PARL: variants seen among roughly 807,000 people sequenced by gnomAD.
PARL encodes presenilin-associated rhomboid-like protein, mitochondrial.
In PARL, 44 loss-of-function variants were observed where a neutral mutation model predicts 51.6. The observed-to-expected ratio is 0.85, with a 90% CI of 0.67 to 1.10. The LOEUF (loss-of-function observed/expected upper bound fraction) is 1.10. Ranked by LOEUF, PARL falls within the 50% of genes least tolerant of loss-of-function variation. PARL has a pLI of 0.00. For missense variants in PARL, 441 were observed against 469.5 expected, an observed-to-expected ratio of 0.94 and a Z score of 0.56; for synonymous variants, 172 against 164.0, an observed-to-expected ratio of 1.05 and a Z score of -0.37.
intron 4 of PARL, among the ~76,000 whole-genome samples, chr3:183,852,718 A>C (rs1730691574): frequency 6.6e-6 from 1 of 152,226 alleles, no homozygotes. Flanking sequence ...TAAAGTGTGC[A>C]CTAAAAAATG....
At chr3:183,869,836 A>G (rs1459498188) in intron 1 of PARL, among the ~76,000 whole-genome samples, 1 of 152,056 alleles carries the variant, frequency 6.6e-6, no homozygotes, top group Non-Finnish European at 1.5e-5. Flanking sequence ...CCAACTCTAT[A>G]CTGAATAATG....
intron 1 of PARL, among the ~76,000 whole-genome samples, chr3:183,872,646 T>C (rs1413205893): frequency 3.3e-5 from 5 of 152,198 alleles, no homozygotes; most frequent in African/African-American, 1.2e-4. Context: ...TTGCCTGCTT[T>C]TTCTGTAATA....
intron 7 of PARL, among the ~76,000 whole-genome samples, chr3:183,837,670 C>T (rs1041367702): frequency 1.3e-5 from 2 of 152,176 alleles, no homozygotes; most frequent in Admixed American, 6.5e-5. Flanking sequence ...CACGGCACCC[C>T]CTCTCCTCAT....
chr3:183,872,809 A>G (rs2108693575), intron 1 of PARL, among the ~76,000 whole-genome samples: 1 of 152,168 alleles, frequency 6.6e-6, no homozygotes, highest in African/African-American at 2.4e-5. Context: ...TGTCAAGCAC[A>G]CCCCCTTCTT....
intron 4 of PARL, among the ~76,000 whole-genome samples, chr3:183,861,631 C>G (rs1013007914): frequency 6.6e-6 from 1 of 152,070 alleles, no homozygotes; most frequent in Non-Finnish European, 1.5e-5. Flanking sequence ...CACTTAAGTA[C>G]AGAAAATTAA....
In PARL at chr3:183,862,119, T is replaced by C. The variant is rs982067000; in HGVS notation, c.511+634A>G. Among the ~76,000 whole-genome samples the C allele has an allele frequency of 7.2e-5, 11 of 152,244 alleles. No individual in the cohort carries two copies. The East Asian group carries it at 9.6e-4, about 13-fold the overall frequency. ...CTCAAATAACTGACTCCATGAAATA[T>C]TGCAGAGGTGTTAACTTGAAGAGCC... is the stretch of plus-strand genomic sequence containing the variant. On this transcript the variant is annotated intron_variant, in intron 4 of 9. Coordinates refer to ENST00000317096, the MANE Select transcript of PARL (RefSeq NM_018622.7).
At chr3:183,836,377 C>T (rs1006985632) in intron 7 of PARL, among the ~76,000 whole-genome samples, 1 of 151,992 alleles carries the variant, frequency 6.6e-6, no homozygotes, top group African/African-American at 2.4e-5. Context: ...GTAATTATTA[C>T]ATACACAGTT....
At chr3:183,833,016 T>C (rs114192437) in intron 9 of PARL, among the ~76,000 whole-genome samples, 1,526 of 152,270 alleles carry the variant, frequency 0.01, 24 homozygotes, top group African/African-American at 0.035. Flanking sequence ...CAGTAAGTGG[T>C]CCACATTGGT....
chr3:183,832,236 T>G (rs1195786415), intron 9 of PARL, among the ~76,000 whole-genome samples: 1 of 151,878 alleles, frequency 6.6e-6, no homozygotes, highest in Non-Finnish European at 1.5e-5. Flanking sequence ...TTTTTTTTTT[T>G]GAGACAGAGT....
chr3:183,861,248 T>C (rs1323304651), intron 4 of PARL: 5 of 979,546 alleles, frequency 5.1e-6, no homozygotes, highest in African/African-American at 1.7e-5. Context: ...GTCTTAGTTA[T>C]GGCAACACTG....
At chr3:183,847,825 T>C (rs899248208) in intron 4 of PARL, among the ~76,000 whole-genome samples, 1 of 152,220 alleles carries the variant, frequency 6.6e-6, no homozygotes, top group African/African-American at 2.4e-5. Flanking sequence ...AGATAGTACA[T>C]GCACCTAGCA....
At chr3:183,878,807 T>C (rs1409422173) in intron 1 of PARL, among the ~76,000 whole-genome samples, 1 of 152,174 alleles carries the variant, frequency 6.6e-6, no homozygotes, top group Non-Finnish European at 1.5e-5. Context: ...AACTGCGGCC[T>C]ATAGAGTGGA....
intron 4 of PARL, among the ~76,000 whole-genome samples, chr3:183,855,381 C>G (rs1731031153): frequency 6.6e-6 from 1 of 152,148 alleles, no homozygotes; most frequent in African/African-American, 2.4e-5. Flanking sequence ...CTGACCTCGG[C>G]CTCCTAAGTG....
intron 7 of PARL, among the ~76,000 whole-genome samples, chr3:183,837,322 C>T (rs964289745): frequency 6.6e-6 from 1 of 152,118 alleles, no homozygotes. Flanking sequence ...TCAACATGTT[C>T]TCTCTAGTCA....
chr3:183,873,965 A>T (rs1252572305), intron 1 of PARL, among the ~76,000 whole-genome samples: 1 of 152,122 alleles, frequency 6.6e-6, no homozygotes, highest in Admixed American at 6.6e-5. Flanking sequence ...ACACAGGCAT[A>T]CCTCGATTTA....
At chr3:183,870,615 C>G (rs1482264701) in intron 1 of PARL, among the ~76,000 whole-genome samples, 3 of 152,118 alleles carry the variant, frequency 2.0e-5, no homozygotes, top group Non-Finnish European at 2.9e-5. Context: ...AGTACTGCCC[C>G]ACTCCAAGTG....
At chr3:183,858,932 C>CAA (rs1284714751) in intron 4 of PARL, among the ~76,000 whole-genome samples, 1 of 149,096 alleles carries the variant, frequency 6.7e-6, no homozygotes, top group African/African-American at 2.5e-5. Flanking sequence ...CCAAACAAAC[C>CAA]AAAAAAAAAG....
At chr3:183,867,056 G>A (rs1017984672) in intron 2 of PARL, among the ~76,000 whole-genome samples, 1 of 152,076 alleles carries the variant, frequency 6.6e-6, no homozygotes, top group Non-Finnish European at 1.5e-5. Context: ...TAGGATTACA[G>A]GTACCTGCCT....
rs1050848576 is a variant in PARL, at chr3:183,866,608, G to A, written c.462+17C>T. The A allele has an allele frequency of 1.1e-5, 17 of 1,605,416 alleles. No individual in the cohort carries two copies. Among genetic ancestry groups the A allele is most frequent in the Non-Finnish European group, 1.4e-5 (17 of 1,174,228 alleles). On this transcript the variant is annotated intron_variant, in intron 3 of 9. Coordinates refer to ENST00000317096, the MANE Select transcript of PARL (RefSeq NM_018622.7). ...ACCGTGATTAACTAGAAGAAAGAAA[G>A]CAGTGTTTATCTTTACCTCCTTTCT...
Sources: allele counts gnomAD v4.1 joint callset (sites outside exome capture counted in the v4.1 genomes callset), GRCh38; gene constraint gnomAD v4.1.1; transcripts MANE v1.5; gene names NCBI Gene and HGNC (gene_info 2026-07-23, HGNC 2026-07-21).